ADAMTSL3: variants seen among roughly 807,000 people sequenced by gnomAD.
ADAMTSL3 encodes ADAMTS-like protein 3.
ADAMTSL3 carries 128 observed loss-of-function variants against 201.7 expected under a neutral mutation model. That is an observed-to-expected ratio of 0.63 (90% confidence interval 0.55 to 0.73). The LOEUF is 0.73. Among genes scored for constraint, ADAMTSL3 ranks in the 30% least tolerant of loss-of-function variants. ADAMTSL3 has a pLI of 0.00. For missense variants in ADAMTSL3, 1,990 were observed against 2,119.6 expected, an observed-to-expected ratio of 0.94 and a Z score of 1.20; for synonymous variants, 738 against 748.4, an observed-to-expected ratio of 0.99 and a Z score of 0.23.
chr15:83,931,588 T>G (rs2066356895), intron 17 of ADAMTSL3, among the ~76,000 whole-genome samples: 3 of 152,358 alleles, frequency 2.0e-5, no homozygotes, highest in South Asian at 4.1e-4. Context: ...AATTTAGATA[T>G]TATCAATTAT....
chr15:83,703,498 A>G (rs1005460159), intron 2 of ADAMTSL3, among the ~76,000 whole-genome samples: 1 of 152,056 alleles, frequency 6.6e-6, no homozygotes. Context: ...GATAATTTGA[A>G]TCATAGGGAC....
chr15:83,895,031 ATTTTG>A (rs1252911672), intron 13 of ADAMTSL3, among the ~76,000 whole-genome samples: 1 of 152,058 alleles, frequency 6.6e-6, no homozygotes, highest in African/African-American at 2.4e-5. Flanking sequence ...TTGGTTTCTT[ATTTTG>A]TTTTGTTTGC....
intron 4 of ADAMTSL3, among the ~76,000 whole-genome samples, chr15:83,801,996 C>T (rs2063532178): frequency 6.6e-6 from 1 of 151,866 alleles, no homozygotes; most frequent in Non-Finnish European, 1.5e-5. Flanking sequence ...AAACATAAAA[C>T]ACACAAGCAA....
chr15:83,908,828 C>T (rs2065885270), intron 15 of ADAMTSL3, among the ~76,000 whole-genome samples: 1 of 152,186 alleles, frequency 6.6e-6, no homozygotes, highest in Non-Finnish European at 1.5e-5. Flanking sequence ...CCAGTAGATT[C>T]AGCTGATGTC....
chr15:83,779,699 A>C (rs1308797735), intron 4 of ADAMTSL3, among the ~76,000 whole-genome samples: 1 of 80,016 alleles, frequency 1.2e-5, no homozygotes, highest in Non-Finnish European at 2.6e-5. Context: ...CTCCATCTCA[A>C]AAAAAAAAAA....
chr15:83,858,232 T>C (rs2141772368), intron 7 of ADAMTSL3, among the ~76,000 whole-genome samples: 1 of 152,330 alleles, frequency 6.6e-6, no homozygotes, highest in East Asian at 1.9e-4. Flanking sequence ...TCAAAGCACA[T>C]GGATTGGGCC....
At chr15:83,679,798 C>A (rs962349817) in intron 2 of ADAMTSL3, among the ~76,000 whole-genome samples, 2 of 152,292 alleles carry the variant, frequency 1.3e-5, no homozygotes, top group Non-Finnish European at 2.9e-5. Flanking sequence ...CACCGCCTGC[C>A]ACCACTGGGT....
chr15:83,862,767 C>A (rs1178525158), intron 8 of ADAMTSL3: 1 of 152,096 alleles, frequency 6.6e-6, no homozygotes, highest in Non-Finnish European at 1.5e-5. Flanking sequence ...TCACACATAA[C>A]AATATTAACC....
In ADAMTSL3 at chr15:83,913,520, T is replaced by C. The variant is rs1414221045; in HGVS notation, c.1987+142T>C. 3 of 907,178 alleles carry C rather than the reference T, an allele frequency of 3.3e-6. No homozygotes were observed. The East Asian group carries it at 8.0e-5, about 24-fold the overall frequency. The allele number at this position is 907,178 out of a possible 1,614,324, so 56.2% of individuals were successfully genotyped here. A position where few individuals can be genotyped will look rare whatever the true frequency, so the allele number is the denominator to read the frequency against. On this transcript the variant is annotated intron_variant, in intron 16 of 29. Coordinates refer to ENST00000286744, the MANE Select transcript of ADAMTSL3 (RefSeq NM_207517.3). Reference sequence around the variant, plus strand: ...ATTCAAATAACTGAAAATGATACTTTTTCTTCTTTTTCTTTCTTTTTTTTT... The same window carrying C: ...ATTCAAATAACTGAAAATGATACTTCTTCTTCTTTTTCTTTCTTTTTTTTT...
At chr15:84,007,735 C>T (rs1479271906) in intron 23 of ADAMTSL3, among the ~76,000 whole-genome samples, 2 of 152,124 alleles carry the variant, frequency 1.3e-5, no homozygotes, top group Non-Finnish European at 2.9e-5. Context: ...AAAGGAGTGT[C>T]ATGATCTGAG....
Position 83,873,664 on chromosome 15 carries a change from C to T in ADAMTSL3, c.960+2705C>T, listed in dbSNP as rs993741783. On this transcript the variant is annotated intron_variant, in intron 9 of 29. Coordinates refer to ENST00000286744, the MANE Select transcript of ADAMTSL3 (RefSeq NM_207517.3). ...AAAGAGCTGGGATTAGAGGTGTGAG[C>T]CACCATGGCTGGCCACATACTTTTA... Among the ~76,000 whole-genome samples the T allele has an allele frequency of 1.4e-5, 2 of 145,620 alleles. 1 individual carries two copies. Among genetic ancestry groups the T allele is most frequent in the East Asian group, 4.6e-4 (2 of 4,378 alleles).
At chr15:83,777,966 G>A (rs748856616) in intron 4 of ADAMTSL3, among the ~76,000 whole-genome samples, 41 of 152,126 alleles carry the variant, frequency 2.7e-4, no homozygotes, top group Admixed American at 2.0e-3. Context: ...CAAGAATTTC[G>A]TAATGCAATC....
chr15:83,888,717 C>A (rs1362043317), intron 10 of ADAMTSL3, among the ~76,000 whole-genome samples: 1 of 152,188 alleles, frequency 6.6e-6, no homozygotes, highest in Non-Finnish European at 1.5e-5. Context: ...CGTTGACTTT[C>A]TGGCAGATAT....
At chr15:83,690,111 T>C (rs1158738668) in intron 2 of ADAMTSL3, among the ~76,000 whole-genome samples, 4 of 152,192 alleles carry the variant, frequency 2.6e-5, no homozygotes, top group Admixed American at 2.6e-4. Flanking sequence ...GTTATTTTGT[T>C]CTGGTTCATT....
At chr15:83,771,667 G>A (rs2062986503) in intron 3 of ADAMTSL3, among the ~76,000 whole-genome samples, 1 of 152,164 alleles carries the variant, frequency 6.6e-6, no homozygotes, top group Admixed American at 6.5e-5. Flanking sequence ...TATACCACAT[G>A]TTGTTTATCC....
At chr15:84,016,643 A>C (rs901388767) in intron 25 of ADAMTSL3, 144 bp downstream of exon 25, 1 of 684,162 alleles carries the variant, frequency 1.5e-6, no homozygotes, top group Non-Finnish European at 2.5e-6. Context: ...CTTGACCCTC[A>C]GTCTTTAGTG....
At chr15:83,678,676 A>AT (rs1015079763) in intron 2 of ADAMTSL3, among the ~76,000 whole-genome samples, 4 of 148,696 alleles carry the variant, frequency 2.7e-5, no homozygotes, top group South Asian at 2.1e-4. Context: ...CTTTTCCCCC[A>AT]AATTGGGAAA....
chr15:83,920,344 A>G (rs1238093718), intron 16 of ADAMTSL3, among the ~76,000 whole-genome samples: 1 of 152,204 alleles, frequency 6.6e-6, no homozygotes, highest in Non-Finnish European at 1.5e-5. Flanking sequence ...ACTTCCGCTC[A>G]GGCTCCAGTG....
chr15:83,758,518 CAT>C (rs2062756116), intron 3 of ADAMTSL3, among the ~76,000 whole-genome samples: 1 of 152,172 alleles, frequency 6.6e-6, no homozygotes, highest in African/African-American at 2.4e-5. Flanking sequence ...ACAGCCAAAC[CAT>C]ATCACTCACT....
Sources: gnomAD v4.1 joint callset for allele counts (sites outside exome capture counted in the v4.1 genomes callset) on GRCh38, gnomAD v4.1.1 for gene constraint, MANE v1.5 for transcripts, NCBI Gene and HGNC (gene_info 2026-07-23, HGNC 2026-07-21) for gene names.